Variants in CEP112 observed in about 807,000 individuals in gnomAD.
CEP112 encodes the protein centrosomal protein of 112 kDa.
A neutral mutation model predicts 153.0 loss-of-function variants in CEP112; 127 were observed. The observed-to-expected ratio is 0.83, with a 90% CI of 0.72 to 0.96. The LOEUF is 0.96. CEP112 is among the 40% of genes least tolerant of loss of function. The pLI is 0.00. For missense variants in CEP112, 1,089 were observed against 1,101.2 expected, an observed-to-expected ratio of 0.99 and a Z score of 0.16; for synonymous variants, 358 against 374.4, an observed-to-expected ratio of 0.96 and a Z score of 0.51.
chr17:66,109,071 T>G (rs2068905350), intron 6 of CEP112, among the ~76,000 whole-genome samples: 1 of 152,106 alleles, frequency 6.6e-6, no homozygotes, highest in Non-Finnish European at 1.5e-5. Flanking sequence ...ATTAAAACAG[T>G]TGAACTCTGC....
At chr17:65,981,603 C>G (rs2063229388) in intron 17 of CEP112, among the ~76,000 whole-genome samples, 1 of 151,924 alleles carries the variant, frequency 6.6e-6, no homozygotes, top group African/African-American at 2.4e-5. Context: ...GAAATGGAGT[C>G]TTGTTCTGTC....
chr17:65,915,452 G>A (rs1304695097), intron 19 of CEP112, among the ~76,000 whole-genome samples: 3 of 151,970 alleles, frequency 2.0e-5, no homozygotes, highest in South Asian at 2.1e-4. Flanking sequence ...TGCCTCCATC[G>A]TAATCAAAGC....
chr17:65,867,744 T>C (rs981215780), intron 20 of CEP112, among the ~76,000 whole-genome samples: 2 of 152,200 alleles, frequency 1.3e-5, no homozygotes, highest in African/African-American at 4.8e-5. Flanking sequence ...TATTTATTAC[T>C]ATGTATTTCC....
intron 20 of CEP112, among the ~76,000 whole-genome samples, chr17:65,880,501 T>A (rs546496480): frequency 6.6e-6 from 1 of 152,360 alleles, no homozygotes; most frequent in Admixed American, 6.5e-5. Flanking sequence ...TTCCATTAAT[T>A]CAACTGACTG....
intron 24 of CEP112, among the ~76,000 whole-genome samples, chr17:65,643,041 C>T (rs904942616): frequency 6.6e-5 from 10 of 152,156 alleles, no homozygotes; most frequent in Non-Finnish European, 1.2e-4. Context: ...GGGACAAGTG[C>T]TCCAGGATTC....
intron 17 of CEP112, among the ~76,000 whole-genome samples, chr17:65,987,075 C>T (rs1253027855): frequency 6.6e-6 from 1 of 152,006 alleles, no homozygotes; most frequent in African/African-American, 2.4e-5. Flanking sequence ...AGAACAACAT[C>T]CTATAAACAC....
chr17:65,702,986 GAC>G (rs2048716893), intron 23 of CEP112, among the ~76,000 whole-genome samples: 1 of 152,066 alleles, frequency 6.6e-6, no homozygotes. Flanking sequence ...TCTGGGTGGG[GAC>G]ACAGAGCCAA....
chr17:65,793,417 C>T (rs953827968), intron 21 of CEP112, among the ~76,000 whole-genome samples: 5 of 152,074 alleles, frequency 3.3e-5, no homozygotes, highest in African/African-American at 1.2e-4. Flanking sequence ...ATGGGATGAT[C>T]TGTGCAGCAA....
chr17:66,163,676 GCA>G (rs2071809499), intron 4 of CEP112, among the ~76,000 whole-genome samples: 1 of 151,756 alleles, frequency 6.6e-6, no homozygotes, highest in Non-Finnish European at 1.5e-5. Context: ...CTTTAAAATG[GCA>G]CACTTGATTT....
At chr17:65,639,415 G>A (rs1189089203) in intron 25 of CEP112, among the ~76,000 whole-genome samples, 11 of 152,054 alleles carry the variant, frequency 7.2e-5, no homozygotes, top group African/African-American at 2.4e-4. Context: ...GGCTGGGCAC[G>A]GTGGCTCATG....
intron 24 of CEP112, among the ~76,000 whole-genome samples, chr17:65,652,000 G>A (rs1230733964): frequency 6.6e-6 from 1 of 152,214 alleles, no homozygotes; most frequent in Non-Finnish European, 1.5e-5. Context: ...ACTGCGCCCA[G>A]CTGATTATGG....
chr17:65,680,248 G>T lies in CEP112; in HGVS notation c.2697+8881C>A, dbSNP rs571138027. 1.1e-3 allele frequency among the ~76,000 whole-genome samples: 169 copies of T among 152,272 alleles called. 1 individual carries two copies. Among genetic ancestry groups the T allele is most frequent in the Non-Finnish European group, 1.6e-4 (11 of 68,010 alleles). On this transcript the variant is annotated intron_variant, in intron 24 of 26. Coordinates refer to ENST00000535342, the MANE Select transcript of CEP112 (RefSeq NM_001199165.4). Reference sequence around the variant, plus strand: ...GAAGCCATGAATGATCCTACCAGATGAAATGACCACCCCGGATGAAAATGA... The same window carrying T: ...GAAGCCATGAATGATCCTACCAGATTAAATGACCACCCCGGATGAAAATGA...
intron 16 of CEP112, among the ~76,000 whole-genome samples, chr17:66,021,130 G>A (rs1446209461): frequency 1.3e-5 from 2 of 152,072 alleles, no homozygotes; most frequent in Non-Finnish European, 2.9e-5. Flanking sequence ...GGCCAGGAGC[G>A]TGTGAAAAGG....
intron 21 of CEP112, among the ~76,000 whole-genome samples, chr17:65,792,369 C>CT (rs957759375): frequency 6.6e-6 from 1 of 151,940 alleles, no homozygotes; most frequent in Admixed American, 6.6e-5. Flanking sequence ...CAAAACAATT[C>CT]TTTTTTTTCA....
intron 4 of CEP112, among the ~76,000 whole-genome samples, chr17:66,168,846 AT>A (rs1345810416): frequency 6.6e-6 from 1 of 152,084 alleles, no homozygotes; most frequent in Non-Finnish European, 1.5e-5. Flanking sequence ...AATAGGGAAC[AT>A]CCCACCACTA....
At chr17:66,147,832 T>C (rs1333591797) in intron 4 of CEP112, among the ~76,000 whole-genome samples, 1 of 152,248 alleles carries the variant, frequency 6.6e-6, no homozygotes, top group Non-Finnish European at 1.5e-5. Context: ...TGTCAGGGTT[T>C]ATTTCTGGGC....
intron 17 of CEP112, among the ~76,000 whole-genome samples, chr17:65,963,434 A>G (rs1200041741): frequency 1.3e-5 from 2 of 152,180 alleles, no homozygotes; most frequent in Admixed American, 6.5e-5. Flanking sequence ...AATCCACTCT[A>G]AGACACAAAA....
chr17:65,768,371 G>A (rs1246275405), intron 21 of CEP112, among the ~76,000 whole-genome samples: 2 of 151,986 alleles, frequency 1.3e-5, no homozygotes, highest in Non-Finnish European at 2.9e-5. Context: ...CTGTCTCAGG[G>A]GTGGCAGAGG....
intron 24 of CEP112, among the ~76,000 whole-genome samples, chr17:65,662,294 C>T (rs945334245): frequency 6.6e-6 from 1 of 152,184 alleles, no homozygotes; most frequent in African/African-American, 2.4e-5. Context: ...CTGTTACTGA[C>T]TTAGATAAAA....
Sources: allele counts gnomAD v4.1 joint callset (sites outside exome capture counted in the v4.1 genomes callset), GRCh38; gene constraint gnomAD v4.1.1; transcripts MANE v1.5; gene names NCBI Gene and HGNC (gene_info 2026-07-23, HGNC 2026-07-21).